BICRA: variants seen among roughly 807,000 people sequenced by gnomAD.
BICRA encodes the protein BRD4 interacting chromatin remodeling complex associated protein.
Under a neutral mutation model 96.9 loss-of-function variants are expected in BICRA, and 31 were observed. The observed-to-expected ratio is 0.32, with a 90% CI of 0.24 to 0.43. The LOEUF (loss-of-function observed/expected upper bound fraction) is 0.43, where lower values mean the gene tolerates loss of function less well. BICRA is among the 20% of genes least tolerant of loss of function. The pLI is 1.00. For synonymous variants in BICRA, 1,350 were observed against 1,071.8 expected (o/e 1.26, Z -5.07); for missense variants, 2,283 against 2,190.3 (o/e 1.04, Z -0.84).
At chr19:47,654,458 G>T (rs925268820) in intron 1 of BICRA, among the ~76,000 whole-genome samples, 2 of 151,986 alleles carry the variant, frequency 1.3e-5, no homozygotes, top group Admixed American at 1.3e-4. Flanking sequence ...TGGCCAGTGG[G>T]TTGTTCCCAG....
In BICRA at chr19:47,680,841, G is replaced by C; in HGVS notation, c.1671G>C (p.Met557Ile). Residue 557 changes from methionine (M) to isoleucine (I), a missense_variant, in exon 6 of 15, where the codon ATG becomes ATC. Physicochemically the swap from Met to Ile is conservative, Grantham distance 10. Coordinates refer to ENST00000594866, the MANE Select transcript of BICRA (RefSeq NM_001394372.1). ...TGGGCCAGCCTGCGCTCTTCCAGAT[G>C]CCCGTGTCGCTGGCGGCGGGCAGCC... ...IQVGQPALFQ[M>I]PVSLAAGSLP... The C allele has an allele frequency of 1.3e-6, 2 of 1,589,864 alleles. No homozygotes were observed. Among genetic ancestry groups the C allele is most frequent in the Non-Finnish European group, 1.7e-6 (2 of 1,174,020 alleles).
intron 1 of BICRA, among the ~76,000 whole-genome samples, chr19:47,637,416 G>T (rs146327025): frequency 4.0e-4 from 60 of 151,164 alleles, no homozygotes; most frequent in Non-Finnish European, 6.5e-4. Flanking sequence ...ACTGCGCCCA[G>T]CCTGTTTTTA....
At position 47,680,687 on chromosome 19, in the gene BICRA, G is replaced by C. The variant is rs1272917558; in HGVS notation, c.1517G>C (p.Gly506Ala). Reference sequence around the variant, plus strand: ...CTGGCGGCCGCTGCCCCCCACACAGGTGGACAGCTCATCGCGAACCCCATC... The same window carrying C: ...CTGGCGGCCGCTGCCCCCCACACAGCTGGACAGCTCATCGCGAACCCCATC... ...QILAAAAPHT[G>A]GQLIANPILT... is the part of the protein sequence containing the mutation. Residue 506 changes from glycine (G) to alanine (A), a missense_variant, in exon 6 of 15, where the codon GGT (glycine) becomes GCT (alanine). Coordinates refer to ENST00000594866, the MANE Select transcript of BICRA (RefSeq NM_001394372.1). 1 of 1,603,402 alleles carries C rather than the reference G, an allele frequency of 6.2e-7. No individual in the cohort carries two copies. The highest frequency in any genetic ancestry group is 8.5e-7 in the Non-Finnish European group (1 of 1,175,192).
At chr19:47,625,395 G>T (rs557709609) in intron 1 of BICRA, among the ~76,000 whole-genome samples, 1 of 151,982 alleles carries the variant, frequency 6.6e-6, no homozygotes, top group Non-Finnish European at 1.5e-5. Context: ...CTCTTTTGGG[G>T]CCACATCTCG....
intron 1 of BICRA, among the ~76,000 whole-genome samples, chr19:47,630,307 T>C (rs1681297169): frequency 6.6e-6 from 1 of 151,696 alleles, no homozygotes; most frequent in South Asian, 2.1e-4. Context: ...ACTATAGGCG[T>C]CCGCCACCAC....
Position 47,630,877 on chromosome 19 carries a change from A to G in BICRA, c.-108+21709A>G, listed in dbSNP as rs147459552. On this transcript the variant is annotated intron_variant, in intron 1 of 14. Transcript: ENST00000594866. ...TTCCACCTGCAGTGCACGTGGTTCC[A>G]GTTTCTCCACATCCTTGCCAACACT... 3.8e-3 allele frequency among the ~76,000 whole-genome samples: 579 copies of G among 152,074 alleles called. 1 individual carries two copies. Among genetic ancestry groups the G allele is most frequent in the Non-Finnish European group, 6.7e-3 (453 of 67,984 alleles).
In BICRA at chr19:47,701,516, G is replaced by T. The variant is rs1367782353; in HGVS notation, c.3784G>T (p.Ala1262Ser). 1 of 1,548,312 alleles carries T rather than the reference G, an allele frequency of 6.5e-7. No individual in the cohort carries two copies. The highest frequency in any genetic ancestry group is 2.4e-5 in the East Asian group (1 of 40,830). ...AGGCGGCTCCCCTTCGGTCACCTGG[G>T]CCCGGGCGTCCTCCTCCCTGTCCTC... ...GAGGSPSVTW[A>S]RASSSLSSSS... is the part of the protein sequence containing the mutation. Residue 1262 changes from alanine to serine, a missense_variant, in exon 15 of 15, where the codon GCC becomes TCC. Ala to Ser is a moderately conservative substitution (Grantham distance 99, BLOSUM62 1). Transcript: ENST00000594866. This position sits in a 1 kb window ranked among gnomAD's most constrained non-coding sequence, Gnocchi z 5.4.
At position 47,670,518 on chromosome 19, in the gene BICRA, T is replaced by TC. The variant is rs1398896022; in HGVS notation, c.-29dup. 6 of 150,750 alleles carry TC rather than the reference T, an allele frequency of 4.0e-5. No individual in the cohort carries two copies. Among genetic ancestry groups the TC allele is most frequent in the African/African-American group, 1.5e-4 (6 of 40,956 alleles). 9.3% of individuals were successfully genotyped at this position (150,750 alleles called of 1,614,324 possible). A position where few individuals can be genotyped will look rare whatever the true frequency, so the allele number is the denominator to read the frequency against. ...GACCTGGAGTGGACACGCCCCTCCT[T>TC]CCCTTCATGATTCGTTTGTAGCGCA... On this transcript the variant is annotated 5_prime_UTR_variant, in exon 2 of 15. Coordinates refer to ENST00000594866, the MANE Select transcript of BICRA (RefSeq NM_001394372.1).
In BICRA at chr19:47,623,442, G is replaced by C. The variant is rs1972094336; in HGVS notation, c.-108+14274G>C. 2.0e-5 allele frequency among the ~76,000 whole-genome samples: 3 copies of C among 152,172 alleles called. No homozygotes were observed. The South Asian group carries it at 6.2e-4, about 32-fold the overall frequency. On this transcript the variant is annotated intron_variant, in intron 1 of 14. Transcript: ENST00000594866. The stretch of plus-strand genomic sequence containing the variant: ...ACCATCTCCCTGTCACAGAGGCACA[G>C]AGGTAAAATGACTTCCCAAGGTCAC...
At chr19:47,674,325 G>A (rs1293773435) in intron 4 of BICRA, among the ~76,000 whole-genome samples, 4 of 98,918 alleles carry the variant, frequency 4.0e-5, no homozygotes, top group African/African-American at 1.8e-4. Context: ...GTGTAGGCCT[G>A]GAAGCCCGAT....
chr19:47,613,202 G>T (rs1212792424), intron 1 of BICRA, among the ~76,000 whole-genome samples: 2 of 152,064 alleles, frequency 1.3e-5, no homozygotes, highest in African/African-American at 4.8e-5. Flanking sequence ...TATGAAGGGG[G>T]AGTTCCTGGG....
chr19:47,659,290 G>A (rs1409309753), intron 1 of BICRA, among the ~76,000 whole-genome samples: 1 of 152,184 alleles, frequency 6.6e-6, no homozygotes, highest in Non-Finnish European at 1.5e-5. Flanking sequence ...TAAAAATAAA[G>A]ATGGTGTAGA....
rs1973439611 is a variant in BICRA at position 47,701,359 on chromosome 19, C to T, written c.3627C>T (p.Gly1209=). 6.2e-7 allele frequency: 1 copy of T among 1,611,582 alleles called. No individual in the cohort carries two copies. Among genetic ancestry groups the T allele is most frequent in the Non-Finnish European group, 8.5e-7 (1 of 1,179,442 alleles). The change falls in exon 15 of 15, where the codon GGC becomes GGT. Residue 1209 remains glycine, a synonymous_variant. Transcript: ENST00000594866. This position sits in a 1 kb window ranked among gnomAD's most constrained non-coding sequence, Gnocchi z 5.4. The stretch of plus-strand genomic sequence containing the variant: ...ACGTGTCTTCCTCCCGCTCGCTCGG[C>T]CTCCCCATCGCAGCCTCTTCCGAGG... ...DEYVSSSRSL[G]LPIAASSEGH...
intron 1 of BICRA, among the ~76,000 whole-genome samples, chr19:47,654,335 C>T (rs780114795): frequency 1.3e-5 from 2 of 151,844 alleles, no homozygotes; most frequent in Non-Finnish European, 2.9e-5. Context: ...CTTTTTTGTA[C>T]AGCTGCATAC....
intron 1 of BICRA, among the ~76,000 whole-genome samples, chr19:47,632,475 G>A (rs1972234727): frequency 6.6e-6 from 1 of 152,258 alleles, no homozygotes; most frequent in Non-Finnish European, 1.5e-5. Context: ...AGAGATGATT[G>A]TGGGTGGCTG....
Position 47,641,070 on chromosome 19 carries a change from ATTTTTTTTTTTTTT to A in BICRA, c.-107-29363_-107-29350del, listed in dbSNP as rs71180861. 1.5e-4 allele frequency among the ~76,000 whole-genome samples: 16 copies of A among 104,526 alleles called. No homozygotes were observed. In the East Asian group the frequency reaches 4.2e-3, roughly 27 times the overall value. 68.6% of individuals were successfully genotyped at this position (104,526 alleles called of 152,430 possible). ...CACCCACCACCACCATGCCTGGCTA[ATTTTTTTTTTTTTT>A]TTTTTTTTTGTATTTTTAGTACAGA... is the stretch of plus-strand genomic sequence containing the variant. On this transcript the variant is annotated intron_variant, in intron 1 of 14. Coordinates refer to ENST00000594866, the MANE Select transcript of BICRA (RefSeq NM_001394372.1).
Position 47,667,457 on chromosome 19 carries a change from C to CT in BICRA, c.-107-2985dup, listed in dbSNP as rs536055462. Among the ~76,000 whole-genome samples the CT allele has an allele frequency of 5.3e-5, 8 of 152,300 alleles. No homozygotes were observed. The East Asian group carries it at 1.5e-3, about 29-fold the overall frequency. On this transcript the variant is annotated intron_variant, in intron 1 of 14. Transcript: ENST00000594866. ...ACGGGAGCTGCATCCCCTCCTGTCT[C>CT]TAATTCTGCTGGTAGGTAGGTCGTG...
At position 47,675,977 on chromosome 19, in the gene BICRA, C is replaced by T; in HGVS notation, c.150+61C>T. The T allele has an allele frequency of 1.6e-6, 2 of 1,250,576 alleles. No homozygotes were observed. The highest frequency in any genetic ancestry group is 2.3e-6 in the Non-Finnish European group (2 of 875,976). 77.5% of individuals were successfully genotyped at this position (1,250,576 alleles called of 1,614,324 possible). A position where few individuals can be genotyped will look rare whatever the true frequency, so the allele number is the denominator to read the frequency against. On this transcript the variant is annotated intron_variant, in intron 5 of 14. Coordinates refer to ENST00000594866, the MANE Select transcript of BICRA (RefSeq NM_001394372.1). The surrounding 1 kb of genome is among the most constrained non-coding windows in gnomAD (Gnocchi z 4.7). ...TTGGGGCTGCCAGCGGGAGGAGGGC[C>T]CTGAAGCCAAGAGGGGAGGCTTGGG...
chr19:47,657,152 C>T (rs981772908), intron 1 of BICRA, among the ~76,000 whole-genome samples: 9 of 151,678 alleles, frequency 5.9e-5, no homozygotes, highest in Admixed American at 2.6e-4. Flanking sequence ...TGAGCCACTG[C>T]GCCGGGCCCA....
Sources: gnomAD v4.1 joint callset for allele counts (sites outside exome capture counted in the v4.1 genomes callset) on GRCh38, gnomAD v4.1.1 for gene constraint, Gnocchi (gnomAD v3.1) non-coding constraint, MANE v1.5 for transcripts, NCBI Gene and HGNC (gene_info 2026-07-23, HGNC 2026-07-21) for gene names.